The following BRD1 variants were observed in gnomAD, a reference collection of about 807,000 sequenced individuals.
BRD1 encodes the protein bromodomain containing 1, also known as bromodomain-containing protein 1.
BRD1 carries 24 observed loss-of-function variants against 107.7 expected under a neutral mutation model. That is an observed-to-expected ratio of 0.22 (90% CI 0.16 to 0.31). BRD1 has a LOEUF of 0.31. Ranked by LOEUF, BRD1 falls within the 10% of genes least tolerant of loss-of-function variation. The pLI is 1.00. For missense variants in BRD1, 1,279 were observed against 1,638.6 expected (o/e 0.78, Z 3.79); for synonymous variants, 744 against 686.1 (o/e 1.08, Z -1.32).
At chr22:49,805,086 C>T (rs373425382) in intron 2 of BRD1, among the ~76,000 whole-genome samples, 1 of 152,186 alleles carries the variant, frequency 6.6e-6, no homozygotes, top group Non-Finnish European at 1.5e-5. Context: ...CCCCATGTCA[C>T]CTCCAAGAAG....
intron 8 of BRD1, among the ~76,000 whole-genome samples, chr22:49,782,459 A>G (rs532325349): frequency 6.5e-5 from 9 of 137,902 alleles, no homozygotes; most frequent in Non-Finnish European, 1.2e-4. Flanking sequence ...CTCTGTGACA[A>G]TGCCGCTGGG....
rs769811077 is a variant in BRD1 at position 49,797,816 on chromosome 22, G to A, written c.2087C>T (p.Ser696Phe). Residue 696 changes from serine (S) to phenylalanine (F), a missense_variant, in exon 6 of 13, where the codon TCC becomes TTC. Coordinates refer to ENST00000404760, the MANE Select transcript of BRD1 (RefSeq NM_001304808.3). ...GCGCCAGTTCTTACCGTCTTCCCAG[G>A]AGAAAGGCCGCCGCGGTGCCGCAGC... The part of the protein sequence containing the change: ...RPAAAPRRPF[S>F]WEDVDRLLDP... The A allele has an allele frequency of 1.3e-6, 2 of 1,598,328 alleles. No individual in the cohort carries two copies. The highest frequency in any genetic ancestry group is 1.7e-5 in the Admixed American group (1 of 58,978).
At chr22:49,825,319 CA>C (rs2147446164) in intron 1 of BRD1, among the ~76,000 whole-genome samples, 1 of 152,344 alleles carries the variant, frequency 6.6e-6, no homozygotes, top group South Asian at 2.1e-4. Flanking sequence ...CAGAGACCCT[CA>C]CCAGGAGGGT....
At chr22:49,812,187 T>TC (rs1440183190) in intron 2 of BRD1, among the ~76,000 whole-genome samples, 2 of 145,852 alleles carry the variant, frequency 1.4e-5, no homozygotes, top group Admixed American at 1.4e-4. Flanking sequence ...CACTGCAAGC[T>TC]CCACCTCCTG....
Position 49,823,504 on chromosome 22 carries a change from C to A in BRD1, c.814G>T (p.Val272Leu), listed in dbSNP as rs2060107715. The change falls in exon 2 of 13, where the codon GTG (valine) becomes TTG (leucine). Residue 272 changes from valine to leucine, a missense_variant. By Grantham distance (32) the Val-to-Leu change is conservative. Around this residue, in one of 7 missense-constraint regions of BRD1, gnomAD observed 158 missense variants for 310.2 expected, o/e 0.51. Transcript: ENST00000404760. The stretch of plus-strand genomic sequence containing the variant: ...GCACCACCCTTGTTGGGGCACAGCA[C>A]ACAGTCGGCGGGCCGGGCCCGCGAC... ...LQSRARPADC[V>L]LCPNKGGAFK... The A allele has an allele frequency of 1.9e-6, 3 of 1,604,452 alleles. No homozygotes were observed. The highest frequency in any genetic ancestry group is 1.7e-5 in the Admixed American group (1 of 59,904).
Position 49,824,911 on chromosome 22 carries a change from G to A in BRD1, c.-14-580C>T, listed in dbSNP as rs1191634275. 5.4e-6 allele frequency: 4 copies of A among 741,244 alleles called. No individual in the cohort carries two copies. The highest frequency in any genetic ancestry group is 1.9e-5 in the African/African-American group (1 of 52,500). The allele number at this position is 741,244 out of a possible 1,614,324, so 45.9% of individuals were successfully genotyped here. ...GCATTCCTGCTGGGGCCAGGGGTAG[G>A]AGACAGATCACAGCCTGTCCATCCT... On this transcript the variant is annotated intron_variant, in intron 1 of 12. Coordinates refer to ENST00000404760, the MANE Select transcript of BRD1 (RefSeq NM_001304808.3). This position sits in a 1 kb window ranked among gnomAD's most constrained non-coding sequence, Gnocchi z 5.9.
rs1321350115 is a variant in BRD1 at position 49,792,131 on chromosome 22, G to A, written c.2359+1903C>T. Among the ~76,000 whole-genome samples, 1 of 151,912 alleles carries A rather than the reference G, an allele frequency of 6.6e-6. No individual in the cohort carries two copies. The highest frequency in any genetic ancestry group is 1.5e-5 in the Non-Finnish European group (1 of 67,988). On this transcript the variant is annotated intron_variant, in intron 7 of 12. Coordinates refer to ENST00000404760, the MANE Select transcript of BRD1 (RefSeq NM_001304808.3). The surrounding 1 kb of genome is among the most constrained non-coding windows in gnomAD (Gnocchi z 4.2). ...CAGTCCTGTGACCCAATAACCGTGCGGGGTCCTCAGCCCTGTGACCCAATG... is the reference window on the plus strand; with the variant it reads ...CAGTCCTGTGACCCAATAACCGTGCAGGGTCCTCAGCCCTGTGACCCAATG...
chr22:49,826,658 G>A (rs2060151445), intron 1 of BRD1, among the ~76,000 whole-genome samples: 1 of 149,058 alleles, frequency 6.7e-6, no homozygotes, highest in Non-Finnish European at 1.5e-5. Context: ...CCGCTGAGCT[G>A]TGCGAAGTTG....
intron 7 of BRD1, among the ~76,000 whole-genome samples, chr22:49,790,642 C>T (rs561938894): frequency 6.6e-6 from 1 of 152,352 alleles, no homozygotes; most frequent in African/African-American, 2.4e-5. Context: ...GTTTCTGTAT[C>T]GAAGCCACAA....
intron 8 of BRD1, among the ~76,000 whole-genome samples, chr22:49,784,645 C>T (rs2059287283): frequency 6.6e-6 from 1 of 152,256 alleles, no homozygotes; most frequent in African/African-American, 2.4e-5. Flanking sequence ...GTTCAGAGCA[C>T]ACAGATGCAT....
intron 8 of BRD1, among the ~76,000 whole-genome samples, chr22:49,782,599 T>C (rs2059233427): frequency 7.1e-6 from 1 of 141,824 alleles, no homozygotes; most frequent in Admixed American, 7.2e-5. Flanking sequence ...GCTGGGATGG[T>C]CAGAGACAGA....
intron 2 of BRD1, among the ~76,000 whole-genome samples, chr22:49,820,221 A>G (rs943068081): frequency 6.6e-6 from 1 of 152,246 alleles, no homozygotes; most frequent in African/African-American, 2.4e-5. Context: ...CCGTCCCTGA[A>G]GGCAGATTCT....
At chr22:49,807,881 A>T (rs1005682727) in intron 2 of BRD1, among the ~76,000 whole-genome samples, 3 of 152,250 alleles carry the variant, frequency 2.0e-5, no homozygotes, top group Non-Finnish European at 4.4e-5. Flanking sequence ...CTTGACAAAA[A>T]ATAATCCAAT....
At chr22:49,775,393 C>T (rs2059061444) in intron 12 of BRD1, 198 bp downstream of exon 12, 2 of 453,624 alleles carry the variant, frequency 4.4e-6, no homozygotes, top group African/African-American at 4.0e-5. Context: ...GTGCTCAGTG[C>T]CCGTCCCACA....
intron 2 of BRD1, among the ~76,000 whole-genome samples, chr22:49,807,615 C>A (rs561403591): frequency 2.6e-5 from 4 of 152,310 alleles, no homozygotes; most frequent in African/African-American, 9.6e-5. Flanking sequence ...AAAATTAACT[C>A]AAAATCGAAG....
intron 8 of BRD1, among the ~76,000 whole-genome samples, chr22:49,780,189 C>G (rs568677063): frequency 2.0e-5 from 3 of 152,174 alleles, no homozygotes; most frequent in Non-Finnish European, 4.4e-5. Context: ...CCAACACAGC[C>G]AAGCCATGCA....
At chr22:49,819,371 T>C (rs1195950039) in intron 2 of BRD1, among the ~76,000 whole-genome samples, 1 of 151,376 alleles carries the variant, frequency 6.6e-6, no homozygotes, top group Non-Finnish European at 1.5e-5. Flanking sequence ...GCAGGCAGAT[T>C]GCTTGACCCC....
chr22:49,794,895 C>T (rs771531108), intron 6 of BRD1, among the ~76,000 whole-genome samples: 37 of 152,056 alleles, frequency 2.4e-4, no homozygotes, highest in South Asian at 6.2e-4. Flanking sequence ...TTCAAAAACA[C>T]CAAAATTTAT....
intron 2 of BRD1, chr22:49,806,330 A>T (rs1249059261): frequency 2.0e-5 from 3 of 152,226 alleles, no homozygotes; most frequent in Non-Finnish European, 2.9e-5. Context: ...TTGTGAGCAA[A>T]AAGGCTTTGA....
Sources: allele counts gnomAD v4.1 joint callset (sites outside exome capture counted in the v4.1 genomes callset), GRCh38; gene constraint gnomAD v4.1.1; regional missense constraint gnomAD v4.1.1; non-coding constraint Gnocchi (gnomAD v3.1); transcripts MANE v1.5; gene names NCBI Gene and HGNC (gene_info 2026-07-23, HGNC 2026-07-21).